Variants in GPC5 observed in about 807,000 individuals in gnomAD.
GPC5 encodes glypican 5.
In GPC5, 47 loss-of-function variants were observed where a neutral mutation model predicts 53.9. The observed-to-expected ratio is 0.87, with a 90% CI of 0.69 to 1.11. The LOEUF is 1.11. Ranked by LOEUF, GPC5 falls within the 50% of genes most tolerant of loss-of-function variation. GPC5 has a pLI of 0.00. For synonymous variants in GPC5, 286 were observed against 263.3 expected (o/e 1.09, Z -0.84); for missense variants, 748 against 713.1 (o/e 1.05, Z -0.56).
At chr13:92,435,117 G>A (rs1382214358) in intron 7 of GPC5, among the ~76,000 whole-genome samples, 1 of 152,108 alleles carries the variant, frequency 6.6e-6, no homozygotes, top group Non-Finnish European at 1.5e-5. Context: ...GTTTCACCAT[G>A]TTGACCAAGT....
chr13:91,438,849 C>T (rs1171648084), intron 1 of GPC5, among the ~76,000 whole-genome samples: 8 of 152,208 alleles, frequency 5.3e-5, no homozygotes, highest in African/African-American at 1.2e-4. Context: ...CCTACTCAAG[C>T]GTCGGTAATG....
chr13:92,534,762 A>G (rs1482003954), intron 7 of GPC5, among the ~76,000 whole-genome samples: 1 of 152,228 alleles, frequency 6.6e-6, no homozygotes, highest in African/African-American at 2.4e-5. Flanking sequence ...ATCAAATTAA[A>G]TTTTTAAAAG....
chr13:91,881,592 C>A (rs1474550260), intron 5 of GPC5, among the ~76,000 whole-genome samples: 2 of 152,120 alleles, frequency 1.3e-5, no homozygotes, highest in Non-Finnish European at 2.9e-5. Flanking sequence ...ATACATCTAT[C>A]TATCTACCCA....
At chr13:91,430,049 A>T (rs1162161235) in intron 1 of GPC5, among the ~76,000 whole-genome samples, 1 of 152,178 alleles carries the variant, frequency 6.6e-6, no homozygotes, top group Non-Finnish European at 1.5e-5. Flanking sequence ...TACAACAGAG[A>T]CCATAATATA....
intron 1 of GPC5, among the ~76,000 whole-genome samples, chr13:91,431,727 C>T (rs1879466088): frequency 6.6e-6 from 1 of 152,294 alleles, no homozygotes; most frequent in African/African-American, 2.4e-5. Flanking sequence ...AAGTGCTTCT[C>T]CCATGGACGG....
rs77021126 is a variant in GPC5 at position 92,512,952 on chromosome 13, G to A, written c.1562-353330G>A. 8.9e-3 allele frequency among the ~76,000 whole-genome samples: 1,350 copies of A among 152,246 alleles called. 20 individuals are homozygous for A. The highest frequency in any genetic ancestry group is 0.031 in the African/African-American group (1,290 of 41,532). ...CTCATAAATTGAATGGGGCCAGCAC[G>A]TGATGCGATGTTGTCACAGAGTTCC... On this transcript the variant is annotated intron_variant, in intron 7 of 7. Coordinates refer to ENST00000377067, the MANE Select transcript of GPC5 (RefSeq NM_004466.6).
intron 7 of GPC5, among the ~76,000 whole-genome samples, chr13:92,242,731 T>C (rs993722624): frequency 5.9e-5 from 9 of 152,182 alleles, no homozygotes; most frequent in Non-Finnish European, 7.4e-5. Context: ...GACAAAGCCA[T>C]GCATCATATA....
rs191547190 is a variant in GPC5, at chr13:91,982,409, C to T, written c.1401+74352C>T. Reference sequence around the variant, plus strand: ...TTAATTAAATGATGTAACATCTATACCACAGAGATGAAAAATAATATTGTA... The same window carrying T: ...TTAATTAAATGATGTAACATCTATATCACAGAGATGAAAAATAATATTGTA... On this transcript the variant is annotated intron_variant, in intron 6 of 7. Coordinates refer to ENST00000377067, the MANE Select transcript of GPC5 (RefSeq NM_004466.6). Among the ~76,000 whole-genome samples the T allele has an allele frequency of 4.9e-3, 746 of 151,264 alleles. 4 individuals carry two copies. Among genetic ancestry groups the T allele is most frequent in the Non-Finnish European group, 8.1e-3 (553 of 67,918 alleles).
intron 6 of GPC5, among the ~76,000 whole-genome samples, chr13:92,100,104 C>A (rs1253831522): frequency 6.6e-6 from 1 of 152,074 alleles, no homozygotes; most frequent in African/African-American, 2.4e-5. Context: ...ATAAAAACTA[C>A]ATTAAAAAAA....
At chr13:91,900,633 TA>T (rs1566331408) in intron 5 of GPC5, among the ~76,000 whole-genome samples, 1 of 152,098 alleles carries the variant, frequency 6.6e-6, no homozygotes, top group Non-Finnish European at 1.5e-5. Context: ...TTTAAAACCA[TA>T]AAAACAGAGC....
At chr13:92,854,597 C>G (rs1878933533) in intron 7 of GPC5, among the ~76,000 whole-genome samples, 1 of 151,796 alleles carries the variant, frequency 6.6e-6, no homozygotes, top group African/African-American at 2.4e-5. Context: ...AGAAGCATAG[C>G]TGAAAAAATA....
chr13:92,539,535 A>AT (rs1358374965), intron 7 of GPC5, among the ~76,000 whole-genome samples: 2 of 151,834 alleles, frequency 1.3e-5, no homozygotes, highest in African/African-American at 4.8e-5. Flanking sequence ...TTTCTTGTAA[A>AT]TTTGTTTAAG....
rs138502990 is a variant in GPC5, at chr13:92,185,457, G to A, written c.1561+40468G>A. ...GGCAATGCCTCAGTTCTCCAGAGAA[G>A]TAAACTAACTGATTATTTTACTCTC... On this transcript the variant is annotated intron_variant, in intron 7 of 7. Transcript: ENST00000377067. Among the ~76,000 whole-genome samples, 395 of 152,188 alleles carry A rather than the reference G, an allele frequency of 2.6e-3. 1 individual carries two copies. Among genetic ancestry groups the A allele is most frequent in the Middle Eastern group, 0.01 (3 of 294 alleles).
intron 7 of GPC5, among the ~76,000 whole-genome samples, chr13:92,539,810 C>G (rs1238149435): frequency 6.6e-6 from 1 of 151,874 alleles, no homozygotes; most frequent in Non-Finnish European, 1.5e-5. Flanking sequence ...TATCATTTTC[C>G]CTGGCTTAAA....
intron 4 of GPC5, among the ~76,000 whole-genome samples, chr13:91,741,055 T>C: frequency 6.6e-6 from 1 of 152,104 alleles, no homozygotes; most frequent in Non-Finnish European, 1.5e-5. Context: ...ATTAAGGGGA[T>C]TGGCTGCATG....
chr13:92,368,654 A>AC (rs2043625765), intron 7 of GPC5, among the ~76,000 whole-genome samples: 1 of 151,416 alleles, frequency 6.6e-6, no homozygotes, highest in South Asian at 2.1e-4. Context: ...AAAAAAAAAA[A>AC]AAAAAACCTG....
chr13:91,701,185 A>G (rs567838508), intron 3 of GPC5, among the ~76,000 whole-genome samples: 1 of 152,134 alleles, frequency 6.6e-6, no homozygotes, highest in Non-Finnish European at 1.5e-5. Flanking sequence ...GATATCCTTC[A>G]CCTCATGTAC....
At chr13:91,434,647 CT>C (rs1208657626) in intron 1 of GPC5, among the ~76,000 whole-genome samples, 1 of 151,506 alleles carries the variant, frequency 6.6e-6, no homozygotes, top group Non-Finnish European at 1.5e-5. Context: ...ATGCCTCCAG[CT>C]TTTTTCTTTT....
chr13:92,538,526 A>C lies in GPC5; in HGVS notation c.1562-327756A>C, dbSNP rs540413913. Among the ~76,000 whole-genome samples, 3 of 144,788 alleles carry C rather than the reference A, an allele frequency of 2.1e-5. No individual in the cohort carries two copies. In the East Asian group the frequency reaches 6.3e-4, roughly 31 times the overall value. The allele number at this position is 144,788 out of a possible 152,430, so 95.0% of individuals were successfully genotyped here. A position where few individuals can be genotyped will look rare whatever the true frequency, so the allele number is the denominator to read the frequency against. On this transcript the variant is annotated intron_variant, in intron 7 of 7. Coordinates refer to ENST00000377067, the MANE Select transcript of GPC5 (RefSeq NM_004466.6). Reference sequence around the variant, plus strand: ...TGTGCAGAATTTGCAGGTTTGTTACATAGGTATACATGTGCCATGGTGGTT... The same window carrying C: ...TGTGCAGAATTTGCAGGTTTGTTACCTAGGTATACATGTGCCATGGTGGTT...
Sources: allele counts gnomAD v4.1 joint callset (sites outside exome capture counted in the v4.1 genomes callset), GRCh38; gene constraint gnomAD v4.1.1; transcripts MANE v1.5; gene names NCBI Gene and HGNC (gene_info 2026-07-23, HGNC 2026-07-21).